Variants in KHDRBS2 observed in about 807,000 individuals in gnomAD.
KHDRBS2 encodes the protein KH domain-containing, RNA-binding, signal transduction-associated protein 2.
KHDRBS2 carries 26 observed loss-of-function variants against 44.3 expected under a neutral mutation model. That is an observed-to-expected ratio of 0.59 (90% CI 0.43 to 0.81). KHDRBS2 has a LOEUF of 0.81. Among genes scored for constraint, KHDRBS2 ranks in the 40% least tolerant of loss-of-function variants. KHDRBS2 has a pLI of 0.00. For synonymous variants in KHDRBS2, 194 were observed against 151.1 expected (o/e 1.28, Z -2.08); for missense variants, 476 against 433.1 (o/e 1.10, Z -0.88).
the KHDRBS2 span, among the ~76,000 whole-genome samples, chr6:61,592,500 C>T: frequency 6.6e-6 from 1 of 152,044 alleles, no homozygotes; most frequent in Non-Finnish European, 1.5e-5. Flanking sequence ...TTTCCTAGAT[C>T]TCGATAAAGG....
the KHDRBS2 span, among the ~76,000 whole-genome samples, chr6:61,628,622 G>A: frequency 6.6e-6 from 1 of 152,070 alleles, no homozygotes; most frequent in African/African-American, 2.4e-5. Context: ...CTGTCAAAAA[G>A]GCTCTGTCTC....
Position 62,173,648 on chromosome 6 carries a change from C to T in KHDRBS2, c.219+3537G>A, listed in dbSNP as rs564146568. Among the ~76,000 whole-genome samples the T allele has an allele frequency of 6.2e-4, 95 of 152,118 alleles. 2 individuals are homozygous for T. In the South Asian group the frequency reaches 0.019, roughly 30 times the overall value. ...ACTTCAGGCCTATATCCTTGATGAACGTAGATGCAACAGTCCTCAACAAAA... is the reference window on the plus strand; with the variant it reads ...ACTTCAGGCCTATATCCTTGATGAATGTAGATGCAACAGTCCTCAACAAAA... On this transcript the variant is annotated intron_variant, in intron 2 of 8. Transcript: ENST00000281156.
At chr6:62,153,479 C>T (rs192354600) in intron 2 of KHDRBS2, among the ~76,000 whole-genome samples, 14 of 131,612 alleles carry the variant, frequency 1.1e-4, no homozygotes, top group African/African-American at 2.3e-4. Flanking sequence ...TCTTAGAAAA[C>T]GTTTCAGCCT....
In KHDRBS2 at chr6:61,780,783, T is replaced by A. The variant is rs552513586; in HGVS notation, c.811-48019A>T. 4.4e-5 allele frequency among the ~76,000 whole-genome samples: 6 copies of A among 136,750 alleles called. No homozygotes were observed. The South Asian group carries it at 1.0e-3, about 23-fold the overall frequency. 89.7% of individuals were successfully genotyped at this position (136,750 alleles called of 152,430 possible). On this transcript the variant is annotated intron_variant, in intron 6 of 8. Coordinates refer to ENST00000281156, the MANE Select transcript of KHDRBS2 (RefSeq NM_152688.4). ...AAAATAGTAAACCATTTATAATAAA[T>A]ATATACCTCTTGCTACCCACTGTTG...
chr6:61,889,929 C>T (rs1033968565), intron 6 of KHDRBS2, among the ~76,000 whole-genome samples: 16 of 152,172 alleles, frequency 1.1e-4, no homozygotes, highest in Non-Finnish European at 1.9e-4. Flanking sequence ...ACAGAAGCAG[C>T]CAATTGGCCA....
chr6:61,544,081 G>T, the KHDRBS2 span, among the ~76,000 whole-genome samples: 1 of 151,992 alleles, frequency 6.6e-6, no homozygotes, highest in Admixed American at 6.6e-5. Context: ...CAATTCAAGT[G>T]TACATTTAAA....
chr6:61,717,436 G>A (rs911010654), intron 7 of KHDRBS2, among the ~76,000 whole-genome samples: 2 of 152,066 alleles, frequency 1.3e-5, no homozygotes, highest in Non-Finnish European at 2.9e-5. Context: ...TACTGTTTAT[G>A]CATGCAGAGG....
At chr6:61,940,583 C>T (rs1811949508) in intron 4 of KHDRBS2, among the ~76,000 whole-genome samples, 1 of 152,168 alleles carries the variant, frequency 6.6e-6, no homozygotes, top group Admixed American at 6.5e-5. Flanking sequence ...TGAGTCACCA[C>T]TCCTGGTCAG....
At chr6:62,212,131 T>C (rs1829162312) in intron 1 of KHDRBS2, among the ~76,000 whole-genome samples, 1 of 152,130 alleles carries the variant, frequency 6.6e-6, no homozygotes, top group South Asian at 2.1e-4. Flanking sequence ...AACTCTGTGC[T>C]CTGTGTGCTG....
intron 3 of KHDRBS2, among the ~76,000 whole-genome samples, chr6:62,017,439 A>G (rs1413019700): frequency 6.6e-6 from 1 of 152,144 alleles, no homozygotes; most frequent in Non-Finnish European, 1.5e-5. Flanking sequence ...CAATCCTCAA[A>G]TTGCAAACTA....
the KHDRBS2 span, among the ~76,000 whole-genome samples, chr6:61,564,806 CA>C: frequency 6.6e-6 from 1 of 151,332 alleles, no homozygotes; most frequent in Non-Finnish European, 1.5e-5. Flanking sequence ...ATTATGTAGA[CA>C]AAAAAAGGTC....
chr6:62,227,109 G>A (rs1409733269), intron 1 of KHDRBS2, among the ~76,000 whole-genome samples: 1 of 152,080 alleles, frequency 6.6e-6, no homozygotes, highest in African/African-American at 2.4e-5. Context: ...AAATTACTTT[G>A]TGTAGTATAG....
chr6:61,839,282 A>G (rs1793212997), intron 6 of KHDRBS2, among the ~76,000 whole-genome samples: 1 of 152,076 alleles, frequency 6.6e-6, no homozygotes, highest in Non-Finnish European at 1.5e-5. Flanking sequence ...GATTATTTGT[A>G]TCATTTCTCT....
intron 1 of KHDRBS2, among the ~76,000 whole-genome samples, chr6:62,242,271 G>A (rs564577937): frequency 9.9e-5 from 15 of 152,098 alleles, no homozygotes; most frequent in East Asian, 7.7e-4. Context: ...AAAGCAGCCC[G>A]GACTATCAAA....
chr6:61,833,754 C>A (rs1266233231), intron 6 of KHDRBS2, among the ~76,000 whole-genome samples: 5 of 152,084 alleles, frequency 3.3e-5, no homozygotes, highest in Admixed American at 1.3e-4. Flanking sequence ...TGCCCATATT[C>A]TCTTTTGTAA....
intron 2 of KHDRBS2, among the ~76,000 whole-genome samples, chr6:62,074,381 C>T (rs991281267): frequency 6.6e-6 from 1 of 151,814 alleles, no homozygotes; most frequent in Non-Finnish European, 1.5e-5. Flanking sequence ...AAACTCTATG[C>T]AAATGTTAAA....
intron 6 of KHDRBS2, among the ~76,000 whole-genome samples, chr6:61,863,805 C>A (rs926340148): frequency 1.3e-5 from 2 of 152,024 alleles, no homozygotes; most frequent in African/African-American, 4.8e-5. Flanking sequence ...GATCCACTTG[C>A]TCCAGAGCTG....
intron 3 of KHDRBS2, among the ~76,000 whole-genome samples, chr6:62,039,027 T>C (rs1329408317): frequency 1.3e-5 from 2 of 152,026 alleles, no homozygotes; most frequent in African/African-American, 2.4e-5. Flanking sequence ...CTTATTAATG[T>C]GGGTCTTGGC....
chr6:61,980,761 C>T (rs888049957), intron 3 of KHDRBS2, among the ~76,000 whole-genome samples: 1 of 152,158 alleles, frequency 6.6e-6, no homozygotes, highest in African/African-American at 2.4e-5. Flanking sequence ...TGATTTACAG[C>T]CCAAACCACC....
Sources: gnomAD v4.1 joint callset for allele counts (sites outside exome capture counted in the v4.1 genomes callset) on GRCh38, gnomAD v4.1.1 for gene constraint, MANE v1.5 for transcripts, NCBI Gene and HGNC (gene_info 2026-07-23, HGNC 2026-07-21) for gene names.